Variants in PDE6C observed in about 807,000 individuals in gnomAD.
PDE6C encodes phosphodiesterase 6C, also known as cone cGMP-specific 3',5'-cyclic phosphodiesterase subunit alpha'.
A neutral mutation model predicts 113.1 loss-of-function variants in PDE6C; 75 were observed. That is an observed-to-expected ratio of 0.66 (90% confidence interval 0.55 to 0.80). The LOEUF (loss-of-function observed/expected upper bound fraction) is 0.80. Ranked by LOEUF, PDE6C falls within the 30% of genes least tolerant of loss-of-function variation. The probability of loss-of-function intolerance (pLI) is 0.00; values close to 1 mark genes in which losing one functional copy is unlikely to be tolerated. For missense variants in PDE6C, 912 were observed against 1,038.6 expected, an observed-to-expected ratio of 0.88 and a Z score of 1.67; for synonymous variants, 375 against 363.7, an observed-to-expected ratio of 1.03 and a Z score of -0.35.
intron 7 of PDE6C, among the ~76,000 whole-genome samples, chr10:93,628,240 ATT>A (rs111776347): frequency 2.0e-5 from 3 of 147,606 alleles, no homozygotes; most frequent in Non-Finnish European, 3.0e-5. Flanking sequence ...CCATTTGTTC[ATT>A]TTTTTTTTTT....
At chr10:93,620,553 G>C (rs2058440395) in intron 1 of PDE6C, 79 bp from the exon 2 acceptor site, 1 of 1,417,992 alleles carries the variant, frequency 7.1e-7, no homozygotes, top group African/African-American at 1.4e-5. Context: ...AAATGAGAGA[G>C]AATGATCTGT....
At chr10:93,639,683 C>T (rs943977822) in intron 11 of PDE6C, among the ~76,000 whole-genome samples, 2 of 152,096 alleles carry the variant, frequency 1.3e-5, no homozygotes, top group Non-Finnish European at 2.9e-5. Context: ...ATTAAGCAGT[C>T]GTTTACTGTT....
chr10:93,654,792 T>TTCTTTC (rs1221719515), intron 15 of PDE6C, among the ~76,000 whole-genome samples: 2 of 105,156 alleles, frequency 1.9e-5, no homozygotes, highest in Non-Finnish European at 4.1e-5. Context: ...CTTTCTTTCT[T>TTCTTTC]TCTTTCTTTC....
In PDE6C at chr10:93,628,459, C is replaced by T. The variant is rs184930075; in HGVS notation, c.1072-799C>T. 1.4e-3 allele frequency among the ~76,000 whole-genome samples: 220 copies of T among 152,132 alleles called. 1 individual carries two copies. The highest frequency in any genetic ancestry group is 5.1e-3 in the African/African-American group (213 of 41,492). On this transcript the variant is annotated intron_variant, in intron 7 of 21. Coordinates refer to ENST00000371447, the MANE Select transcript of PDE6C (RefSeq NM_006204.4). ...AATTAGTTGGGCTTGGTGGTGGGTG[C>T]CTGTAATCCCAGCTACTTGGGAGGC...
At chr10:93,644,855 G>A (rs562982865) in intron 14 of PDE6C, among the ~76,000 whole-genome samples, 2 of 135,394 alleles carry the variant, frequency 1.5e-5, no homozygotes, top group South Asian at 4.6e-4. Flanking sequence ...CATATATATA[G>A]TGTATATATA....
chr10:93,651,656 T>C (rs1438986717), intron 15 of PDE6C, among the ~76,000 whole-genome samples: 1 of 152,156 alleles, frequency 6.6e-6, no homozygotes, highest in Non-Finnish European at 1.5e-5. Context: ...CTCTTTGATT[T>C]TGTTTTCCGG....
At chr10:93,626,211 G>A (rs558187832) in intron 5 of PDE6C, among the ~76,000 whole-genome samples, 16 of 152,328 alleles carry the variant, frequency 1.1e-4, no homozygotes, top group African/African-American at 3.6e-4. Flanking sequence ...ACTGATGAAA[G>A]GAGGGTACGG....
rs1384151686 is a variant in PDE6C at position 93,664,855 on chromosome 10, G to GT, written c.2519-499dup. Among the ~76,000 whole-genome samples the GT allele has an allele frequency of 7.9e-5, 12 of 152,098 alleles. No individual in the cohort carries two copies. In the East Asian group the frequency reaches 2.3e-3, roughly 29 times the overall value. On this transcript the variant is annotated intron_variant, in intron 21 of 21. Coordinates refer to ENST00000371447, the MANE Select transcript of PDE6C (RefSeq NM_006204.4). The stretch of plus-strand genomic sequence containing the variant: ...ACTGGCCAACCATTGATCAGATTCT[G>GT]TTTTTTATTTATTTAATTTATTTTT...
intron 11 of PDE6C, among the ~76,000 whole-genome samples, chr10:93,639,331 C>T (rs1385996007): frequency 6.6e-6 from 1 of 152,216 alleles, no homozygotes; most frequent in Non-Finnish European, 1.5e-5. Context: ...TATTTTATAG[C>T]CACTTTAATA....
At chr10:93,653,357 C>T (rs961859268) in intron 15 of PDE6C, among the ~76,000 whole-genome samples, 2 of 151,970 alleles carry the variant, frequency 1.3e-5, no homozygotes, top group Non-Finnish European at 2.9e-5. Flanking sequence ...GAAATTGATT[C>T]GGGGTCCAGG....
chr10:93,651,824 A>C (rs1349138743), intron 15 of PDE6C, among the ~76,000 whole-genome samples: 2 of 152,178 alleles, frequency 1.3e-5, no homozygotes, highest in Non-Finnish European at 2.9e-5. Context: ...ACAAATGTAC[A>C]TCAGCATAAC....
rs892062568 is a variant in PDE6C, at chr10:93,640,396, C to A, written c.1630-54C>A. 7 of 1,418,414 alleles carry A rather than the reference C, an allele frequency of 4.9e-6. No individual in the cohort carries two copies. The African/African-American group carries it at 9.8e-5, about 20-fold the overall frequency. The allele number at this position is 1,418,414 out of a possible 1,614,324, so 87.9% of individuals were successfully genotyped here. A position where few individuals can be genotyped will look rare whatever the true frequency, so the allele number is the denominator to read the frequency against. On this transcript the variant is annotated intron_variant, in intron 12 of 21. Transcript: ENST00000371447. ...CTTTTTAGATAAGATTGCCACAGAC[C>A]TTCTAACCTTTAGAATTCTATTCCA...
chr10:93,655,010 C>A (rs2058629931), intron 15 of PDE6C, among the ~76,000 whole-genome samples: 1 of 151,710 alleles, frequency 6.6e-6, no homozygotes, highest in South Asian at 2.1e-4. Context: ...AGACAGGAGT[C>A]TCACCATGTT....
At chr10:93,645,848 C>T in intron 14 of PDE6C, 112 bp from the exon 15 acceptor site, 1 of 717,072 alleles carries the variant, frequency 1.4e-6, no homozygotes, top group East Asian at 2.6e-5. Context: ...GACCACTTCA[C>T]AGATAATTGA....
chr10:93,634,086 G>A lies in PDE6C; in HGVS notation c.1120-672G>A, dbSNP rs192216194. Among the ~76,000 whole-genome samples, 300 of 151,884 alleles carry A rather than the reference G, an allele frequency of 2.0e-3. 5 individuals are homozygous for A. In the East Asian group the frequency reaches 0.052, roughly 26 times the overall value. On this transcript the variant is annotated intron_variant, in intron 8 of 21. Transcript: ENST00000371447. ...TGCCCAGGCTGGAGTGCAGTGGCACGATCTTGGCTCACTGCAGCCTCTGCC... is the reference window on the plus strand; with the variant it reads ...TGCCCAGGCTGGAGTGCAGTGGCACAATCTTGGCTCACTGCAGCCTCTGCC...
intron 18 of PDE6C, among the ~76,000 whole-genome samples, chr10:93,661,294 G>T (rs1381495575): frequency 6.6e-6 from 1 of 152,134 alleles, no homozygotes; most frequent in Non-Finnish European, 1.5e-5. Context: ...ACTCACAGAA[G>T]CTTTGTACGT....
chr10:93,622,747 A>C (rs1341539154), intron 4 of PDE6C, among the ~76,000 whole-genome samples: 1 of 148,030 alleles, frequency 6.8e-6, no homozygotes, highest in East Asian at 2.0e-4. Flanking sequence ...GTAGCTTTTC[A>C]GACTGGCTTT....
intron 16 of PDE6C, among the ~76,000 whole-genome samples, chr10:93,656,518 GTCAAATTATGCC>G (rs765215247): frequency 1.3e-5 from 2 of 151,986 alleles, no homozygotes; most frequent in Non-Finnish European, 2.9e-5. Context: ...CTTGGGCATT[GTCAAATTATGCC>G]TTTCTGATCC....
intron 21 of PDE6C, among the ~76,000 whole-genome samples, chr10:93,664,127 G>T (rs79156829): frequency 0.011 from 1,633 of 152,230 alleles, 37 homozygotes; most frequent in African/African-American, 0.037. Context: ...TATAAAGCCC[G>T]GTGTTAGGCA....
Sources: allele counts gnomAD v4.1 joint callset (sites outside exome capture counted in the v4.1 genomes callset), GRCh38; gene constraint gnomAD v4.1.1; transcripts MANE v1.5; gene names NCBI Gene and HGNC (gene_info 2026-07-23, HGNC 2026-07-21).